Variants in PTBP3 observed in about 807,000 individuals in gnomAD.
PTBP3 encodes the protein polypyrimidine tract binding protein 3.
PTBP3 carries 20 observed loss-of-function variants against 58.7 expected under a neutral mutation model. That is an observed-to-expected ratio of 0.34 (90% CI 0.24 to 0.50). The LOEUF is 0.50. Ranked by LOEUF, PTBP3 falls within the 20% of genes least tolerant of loss-of-function variation. The pLI is 0.98. For missense variants in PTBP3, 509 were observed against 637.2 expected (o/e 0.80, Z 2.17); for synonymous variants, 185 against 219.8 (o/e 0.84, Z 1.40).
chr9:112,246,119 A>C (rs1008190279), intron 7 of PTBP3, among the ~76,000 whole-genome samples: 1 of 151,774 alleles, frequency 6.6e-6, no homozygotes, highest in African/African-American at 2.4e-5. Flanking sequence ...AGTAGCTGGG[A>C]CTACAGTCAC....
chr9:112,283,528 A>G (rs1011442402), intron 2 of PTBP3, among the ~76,000 whole-genome samples: 2 of 152,248 alleles, frequency 1.3e-5, no homozygotes, highest in Non-Finnish European at 2.9e-5. Context: ...ATCTGGCAGA[A>G]GAAATTTCTA....
chr9:112,227,017 T>C (rs1165337568), intron 12 of PTBP3, among the ~76,000 whole-genome samples: 1 of 152,218 alleles, frequency 6.6e-6, no homozygotes, highest in African/African-American at 2.4e-5. Context: ...AGATAAAAAG[T>C]ATGAAATCCA....
intron 3 of PTBP3, among the ~76,000 whole-genome samples, chr9:112,269,484 C>T (rs1185524836): frequency 6.6e-6 from 1 of 152,128 alleles, no homozygotes; most frequent in East Asian, 1.9e-4. Context: ...TTATCTCATA[C>T]TTTACCAACA....
At chr9:112,288,990 T>C (rs114186806) in intron 2 of PTBP3, among the ~76,000 whole-genome samples, 1 of 152,182 alleles carries the variant, frequency 6.6e-6, no homozygotes, top group African/African-American at 2.4e-5. Flanking sequence ...AAATTTGTTT[T>C]CCAACGTTTG....
intron 3 of PTBP3, among the ~76,000 whole-genome samples, chr9:112,273,572 T>C (rs1437960892): frequency 6.6e-6 from 1 of 152,238 alleles, no homozygotes; most frequent in African/African-American, 2.4e-5. Context: ...TCACAGGATT[T>C]CCTTTAAGTA....
intron 2 of PTBP3, among the ~76,000 whole-genome samples, chr9:112,286,219 T>C (rs73539748): frequency 0.037 from 5,647 of 152,302 alleles, 202 homozygotes; most frequent in African/African-American, 0.098. Flanking sequence ...GGGTTTCTTA[T>C]ACACATCAAG....
chr9:112,357,638 T>C, the PTBP3 span, among the ~76,000 whole-genome samples: 2 of 152,206 alleles, frequency 1.3e-5, no homozygotes, highest in Non-Finnish European at 2.9e-5. Flanking sequence ...TGTGAACCAC[T>C]GCACCCAGCC....
Position 112,251,093 on chromosome 9 carries a change from C to G in PTBP3, c.638G>C (p.Gly213Ala). 6.4e-7 allele frequency: 1 copy of G among 1,570,364 alleles called. No individual in the cohort carries two copies. Among genetic ancestry groups the G allele is most frequent in the Non-Finnish European group, 8.6e-7 (1 of 1,157,438 alleles). ...GCAGCATGCATTATAGATATTCTGG[C>G]CATCCAGAGCCTAAAGCATGTAAGA... ...NAHYAKMALD[G>A]QNIYNACCTL... is the part of the protein sequence containing the mutation. The change falls in exon 7 of 14, where the codon GGC becomes GCC. Residue 213 changes from glycine to alanine, a missense_variant. Gly to Ala is a moderately conservative substitution (Grantham distance 60). Transcript: ENST00000374257.
rs189209924 is a variant in PTBP3, at chr9:112,235,332, C to A, written c.803-435G>T. Among the ~76,000 whole-genome samples the A allele has an allele frequency of 2.0e-5, 3 of 152,172 alleles. No individual in the cohort carries two copies. In the East Asian group the frequency reaches 5.8e-4, roughly 29 times the overall value. ...GATTCATGATGAGGGTCGAAAGGTA[C>A]AAATTCAAATATATTACAATTGGAG... On this transcript the variant is annotated intron_variant, in intron 7 of 13. Transcript: ENST00000374257.
chr9:112,362,680 G>C, the PTBP3 span: 1 of 161,500 alleles, frequency 6.2e-6, no homozygotes, highest in Non-Finnish European at 1.4e-5. Context: ...ATCCATTTGG[G>C]GTTGATTTTT....
At chr9:112,375,385 G>A in the PTBP3 span, among the ~76,000 whole-genome samples, 1 of 152,188 alleles carries the variant, frequency 6.6e-6, no homozygotes, top group East Asian at 1.9e-4. Flanking sequence ...TGCACTGCTG[G>A]AAGTTCTGCC....
At chr9:112,345,380 A>AATT in the PTBP3 span, among the ~76,000 whole-genome samples, 1 of 113,964 alleles carries the variant, frequency 8.8e-6, no homozygotes. Flanking sequence ...AGGAAAAAAA[A>AATT]TTTTTTTTTT....
chr9:112,321,443 C>T (rs759946103), intron 1 of PTBP3, among the ~76,000 whole-genome samples: 48 of 150,384 alleles, frequency 3.2e-4, no homozygotes, highest in Admixed American at 6.0e-4. Context: ...GCAGGAGAAT[C>T]GATTGAACCT....
At chr9:112,266,527 T>C (rs2132150228) in intron 4 of PTBP3, among the ~76,000 whole-genome samples, 1 of 152,314 alleles carries the variant, frequency 6.6e-6, no homozygotes, top group East Asian at 1.9e-4. Context: ...TCCACGGCAA[T>C]ATACATTGTA....
At chr9:112,311,545 T>C (rs577101275) in intron 1 of PTBP3, among the ~76,000 whole-genome samples, 39 of 152,018 alleles carry the variant, frequency 2.6e-4, no homozygotes, top group Admixed American at 9.8e-4. Flanking sequence ...TATATGAAGG[T>C]TGACTTTTTA....
At chr9:112,337,699 A>T (rs1309706089), upstream of PTBP3, among the ~76,000 whole-genome samples, 1 of 152,170 alleles carries the variant, frequency 6.6e-6, no homozygotes, top group Non-Finnish European at 1.5e-5. Context: ...TTTTGTTCTG[A>T]TTTGACTAAG....
At chr9:112,231,337 T>A in intron 10 of PTBP3, 43 bp downstream of exon 10, 1 of 1,495,400 alleles carries the variant, frequency 6.7e-7, no homozygotes, top group Non-Finnish European at 9.1e-7. Context: ...ATGTGCTCAA[T>A]TCACACCTGT....
intron 12 of PTBP3, among the ~76,000 whole-genome samples, chr9:112,226,658 C>T (rs759711969): frequency 2.6e-5 from 4 of 152,202 alleles, no homozygotes; most frequent in Non-Finnish European, 4.4e-5. Context: ...GCCATATTGT[C>T]TCTGCTGCAA....
chr9:112,232,748 AC>A (rs1305156652), intron 8 of PTBP3, among the ~76,000 whole-genome samples: 1 of 152,214 alleles, frequency 6.6e-6, no homozygotes, highest in Non-Finnish European at 1.5e-5. Flanking sequence ...TATTATTCTG[AC>A]CAAAATAGAT....
Sources: allele counts gnomAD v4.1 joint callset (sites outside exome capture counted in the v4.1 genomes callset), GRCh38; gene constraint gnomAD v4.1.1; transcripts MANE v1.5; gene names NCBI Gene and HGNC (gene_info 2026-07-23, HGNC 2026-07-21).